TMEM132B: variants seen among roughly 807,000 people sequenced by gnomAD.
TMEM132B encodes the protein transmembrane protein 132B.
TMEM132B carries 18 observed loss-of-function variants against 90.8 expected under a neutral mutation model. That is an observed-to-expected ratio of 0.20 (90% CI 0.14 to 0.29). The LOEUF (loss-of-function observed/expected upper bound fraction) is 0.29. Among genes scored for constraint, TMEM132B ranks in the 10% least tolerant of loss-of-function variants. TMEM132B has a pLI of 1.00. For synonymous variants in TMEM132B, 504 were observed against 523.3 expected, an observed-to-expected ratio of 0.96 and a Z score of 0.50; for missense variants, 1,096 against 1,326.8, an observed-to-expected ratio of 0.83 and a Z score of 2.70.
intron 2 of TMEM132B, among the ~76,000 whole-genome samples, chr12:125,363,677 G>GTCTTATGTACCTCA (rs1878032503): frequency 6.6e-6 from 1 of 152,088 alleles, no homozygotes; most frequent in African/African-American, 2.4e-5. Context: ...TCTTTTCAAT[G>GTCTTATGTACCTCA]ATCTTCAGAG....
chr12:125,411,278 C>G (rs754922703), intron 2 of TMEM132B, among the ~76,000 whole-genome samples: 1 of 146,380 alleles, frequency 6.8e-6, no homozygotes, highest in Non-Finnish European at 1.5e-5. Flanking sequence ...CCAAACACCG[C>G]GTGTTCTCAC....
At chr12:125,201,884 T>C (rs1459997819) in intron 1 of TMEM132B, among the ~76,000 whole-genome samples, 1 of 152,228 alleles carries the variant, frequency 6.6e-6, no homozygotes, top group Non-Finnish European at 1.5e-5. Context: ...CTGGTGGTCG[T>C]CTCTGTGGTG....
chr12:125,276,981 G>A (rs776226168), intron 1 of TMEM132B, among the ~76,000 whole-genome samples: 42 of 152,178 alleles, frequency 2.8e-4, no homozygotes, highest in Non-Finnish European at 2.9e-5. Flanking sequence ...CGATTTTAAC[G>A]TAGAGGTTGC....
At chr12:125,462,405 T>C (rs1881460770) in intron 3 of TMEM132B, among the ~76,000 whole-genome samples, 2 of 152,140 alleles carry the variant, frequency 1.3e-5, no homozygotes, top group African/African-American at 4.8e-5. Context: ...GTTTCTGTCT[T>C]CATGGAGGGG....
At chr12:125,388,894 CA>C (rs1279480260) in intron 2 of TMEM132B, among the ~76,000 whole-genome samples, 2 of 152,120 alleles carry the variant, frequency 1.3e-5, no homozygotes, top group Non-Finnish European at 2.9e-5. Context: ...CCTCAAACTA[CA>C]AAAGCAATTC....
chr12:125,217,633 T>C (rs1320474000), intron 1 of TMEM132B, among the ~76,000 whole-genome samples: 1 of 152,114 alleles, frequency 6.6e-6, no homozygotes, highest in Non-Finnish European at 1.5e-5. Flanking sequence ...TGTTTTTTTA[T>C]GTAGAGATGG....
intron 1 of TMEM132B, among the ~76,000 whole-genome samples, chr12:125,329,186 T>C (rs904684): frequency 0.67 from 102,597 of 152,078 alleles, 35,404 homozygotes; most frequent in East Asian, 0.85. Flanking sequence ...TGCGAGGATA[T>C]GGCAAGAATG....
intron 5 of TMEM132B, among the ~76,000 whole-genome samples, chr12:125,626,568 A>G (rs1189546705): frequency 6.6e-6 from 1 of 152,148 alleles, no homozygotes; most frequent in Non-Finnish European, 1.5e-5. Context: ...TTGGCTGGGT[A>G]TAGAACTATA....
chr12:125,286,067 C>T (rs1279481498), intron 1 of TMEM132B, among the ~76,000 whole-genome samples: 2 of 152,216 alleles, frequency 1.3e-5, no homozygotes, highest in Admixed American at 6.5e-5. Flanking sequence ...ATATGTTTAT[C>T]GAGGTCACCC....
intron 3 of TMEM132B, among the ~76,000 whole-genome samples, chr12:125,433,014 T>C (rs1304338186): frequency 6.6e-6 from 1 of 152,208 alleles, no homozygotes; most frequent in Admixed American, 6.5e-5. Context: ...GGCCTTTCCT[T>C]AAGCAGCACC....
At chr12:125,604,302 T>C (rs1885637718) in intron 5 of TMEM132B, among the ~76,000 whole-genome samples, 1 of 152,158 alleles carries the variant, frequency 6.6e-6, no homozygotes, top group African/African-American at 2.4e-5. Context: ...TTCAGGGACA[T>C]GGATGAAGCT....
intron 5 of TMEM132B, among the ~76,000 whole-genome samples, chr12:125,611,715 A>G (rs966874224): frequency 6.6e-6 from 1 of 152,024 alleles, no homozygotes; most frequent in Non-Finnish European, 1.5e-5. Flanking sequence ...TAATTTCTCA[A>G]GTTTATTTAT....
At chr12:125,257,879 G>C (rs1874475673) in intron 1 of TMEM132B, among the ~76,000 whole-genome samples, 1 of 152,166 alleles carries the variant, frequency 6.6e-6, no homozygotes, top group African/African-American at 2.4e-5. Flanking sequence ...TAGGGCCTCT[G>C]GGGGAGTGAG....
rs190148807 is a variant in TMEM132B, at chr12:125,524,047, G to A, written c.1293+4422G>A. Among the ~76,000 whole-genome samples the A allele has an allele frequency of 7.3e-3, 1,106 of 152,318 alleles. 6 individuals are homozygous for A. Among genetic ancestry groups the A allele is most frequent in the Non-Finnish European group, 0.012 (811 of 68,018 alleles). On this transcript the variant is annotated intron_variant, in intron 4 of 8. Coordinates refer to ENST00000682704, the MANE Select transcript of TMEM132B (RefSeq NM_001366854.1). ...ATCACTGTCCTCTAATCCTGGGACT[G>A]GGAGGAGGAGACCCGAAGTCAAAGC...
chr12:125,511,685 T>C (rs935507181), intron 3 of TMEM132B, among the ~76,000 whole-genome samples: 5 of 151,870 alleles, frequency 3.3e-5, no homozygotes, highest in Admixed American at 2.6e-4. Flanking sequence ...ACCCCGTCTC[T>C]ACTAAAAATA....
chr12:125,330,203 C>T (rs1335526272), intron 1 of TMEM132B, among the ~76,000 whole-genome samples: 1 of 152,206 alleles, frequency 6.6e-6, no homozygotes, highest in African/African-American at 2.4e-5. Context: ...TTGTGGTCTC[C>T]TCTGTCCAGG....
intron 1 of TMEM132B, among the ~76,000 whole-genome samples, chr12:125,253,322 C>T (rs969847172): frequency 2.0e-5 from 3 of 152,120 alleles, no homozygotes; most frequent in East Asian, 1.9e-4. Flanking sequence ...GCCAGTTATT[C>T]GTCTGTGCAA....
At chr12:125,600,731 G>C (rs544772805) in intron 5 of TMEM132B, among the ~76,000 whole-genome samples, 1 of 151,916 alleles carries the variant, frequency 6.6e-6, no homozygotes, top group Non-Finnish European at 1.5e-5. Flanking sequence ...AAATGACATC[G>C]TGTCTAAATT....
intron 3 of TMEM132B, among the ~76,000 whole-genome samples, chr12:125,423,980 A>G (rs955101812): frequency 6.6e-6 from 1 of 152,238 alleles, no homozygotes; most frequent in Admixed American, 6.5e-5. Context: ...ATGCAAATAC[A>G]CACACATAAA....
Sources: allele counts gnomAD v4.1 joint callset (sites outside exome capture counted in the v4.1 genomes callset), GRCh38; gene constraint gnomAD v4.1.1; transcripts MANE v1.5; gene names NCBI Gene and HGNC (gene_info 2026-07-23, HGNC 2026-07-21).